PTCD1: variants seen among roughly 807,000 people sequenced by gnomAD.
PTCD1 encodes the protein pentatricopeptide repeat-containing protein 1, mitochondrial.
PTCD1 carries 50 observed loss-of-function variants against 53.4 expected under a neutral mutation model. That is an observed-to-expected ratio of 0.94 (90% confidence interval 0.75 to 1.19). The LOEUF is 1.19. Among genes scored for constraint, PTCD1 ranks in the 50% most tolerant of loss-of-function variants. The pLI, the probability that PTCD1 is intolerant of heterozygous loss-of-function variation, is 0.00. For missense variants in PTCD1, 918 were observed against 904.8 expected (o/e 1.01, Z -0.19); for synonymous variants, 413 against 394.8 (o/e 1.05, Z -0.55).
At chr7:99,428,607 G>T (rs1166303317) in intron 5 of PTCD1, among the ~76,000 whole-genome samples, 1 of 151,938 alleles carries the variant, frequency 6.6e-6, no homozygotes, top group African/African-American at 2.4e-5. Context: ...TGGGCGTGGT[G>T]GCGGGCGCCT....
chr7:99,435,406 A>G (rs1278713522), intron 1 of PTCD1, 138 bp from the exon 2 acceptor site: 2 of 1,120,260 alleles, frequency 1.8e-6, no homozygotes, highest in Non-Finnish European at 2.5e-6. Context: ...TGGGAGGTCG[A>G]GGCTGGCATA....
At chr7:99,435,470 C>T (rs1444890729) in intron 1 of PTCD1, among the ~76,000 whole-genome samples, 1 of 151,206 alleles carries the variant, frequency 6.6e-6, no homozygotes, top group Non-Finnish European at 1.5e-5. Flanking sequence ...GAAACCCCGT[C>T]TCTATGAAAA....
chr7:99,433,943 T>C (rs957587783), intron 2 of PTCD1, among the ~76,000 whole-genome samples: 1 of 150,888 alleles, frequency 6.6e-6, no homozygotes, highest in African/African-American at 2.4e-5. Flanking sequence ...TCCCAGCTAC[T>C]TGGAAGGCTA....
At chr7:99,427,724 G>T (rs1339658230) in intron 5 of PTCD1, among the ~76,000 whole-genome samples, 2 of 151,122 alleles carry the variant, frequency 1.3e-5, no homozygotes, top group Non-Finnish European at 3.0e-5. Context: ...GTAGAAAGAA[G>T]TAGACATGGG....
chr7:99,428,912 C>A (rs1796159247), intron 5 of PTCD1, among the ~76,000 whole-genome samples, 191 bp downstream of exon 5: 1 of 152,300 alleles, frequency 6.6e-6, no homozygotes. Flanking sequence ...GGGCCACCCT[C>A]ATTCCATCTC....
In PTCD1 at chr7:99,426,097, G is replaced by GCCTCTC. The variant is rs780383766; in HGVS notation, c.916-487_916-482dup. 9.7e-3 allele frequency among the ~76,000 whole-genome samples: 1,442 copies of GCCTCTC among 148,910 alleles called. 17 individuals are homozygous for GCCTCTC. Among genetic ancestry groups the GCCTCTC allele is most frequent in the Middle Eastern group, 0.039 (11 of 280 alleles). On this transcript the variant is annotated intron_variant, in intron 5 of 7. Coordinates refer to ENST00000292478, the MANE Select transcript of PTCD1 (RefSeq NM_015545.4). ...GTAAAACATTTAAAAAATTGGCCGGGCCTCTCCCTCTCCCTCTCCCTCTCC... is the reference window on the plus strand; with the variant it reads ...GTAAAACATTTAAAAAATTGGCCGGGCCTCTCCCTCTCCCTCTCCCTCTCCCTCTCC...
Position 99,438,745 on chromosome 7 carries a change from G to A in PTCD1, c.-80C>T. 1 of 1,320,616 alleles carries A rather than the reference G, an allele frequency of 7.6e-7. No homozygotes were observed. Among genetic ancestry groups the A allele is most frequent in the South Asian group, 1.2e-5 (1 of 80,694 alleles). The allele number at this position is 1,320,616 out of a possible 1,614,324, so 81.8% of individuals were successfully genotyped here. On this transcript the variant is annotated 5_prime_UTR_variant, in exon 1 of 8. Coordinates refer to ENST00000292478, the MANE Select transcript of PTCD1 (RefSeq NM_015545.4). ...CGGGGAGCCCTGCCCGGTCCCCGCG[G>A]CGAACCAGTCTCTTCCTCGGGTCCC...
At chr7:99,436,053 C>G (rs1796454716) in intron 1 of PTCD1, among the ~76,000 whole-genome samples, 1 of 152,134 alleles carries the variant, frequency 6.6e-6, no homozygotes, top group Non-Finnish European at 1.5e-5. Flanking sequence ...TCAAGCGATC[C>G]TCCCATTTCA....
At chr7:99,430,817 A>C (rs902954833) in intron 3 of PTCD1, among the ~76,000 whole-genome samples, 1 of 152,214 alleles carries the variant, frequency 6.6e-6, no homozygotes, top group Admixed American at 6.5e-5. Context: ...CACGCCTATA[A>C]TCCCAGCACT....
intron 3 of PTCD1, 105 bp from the exon 4 acceptor site, chr7:99,429,911 T>C: frequency 7.1e-7 from 1 of 1,399,616 alleles, no homozygotes; most frequent in Non-Finnish European, 9.9e-7. Flanking sequence ...CGTCACTGCA[T>C]CCACCAGGCC....
chr7:99,423,687 C>T (rs1419265207), intron 7 of PTCD1, 88 bp downstream of exon 7: 1 of 1,604,204 alleles, frequency 6.2e-7, no homozygotes, highest in Non-Finnish European at 8.5e-7. Flanking sequence ...GCAACACAAT[C>T]CCAAGGGCCA....
At chr7:99,429,232 T>G (rs748875473) in intron 4 of PTCD1, 28 bp from the exon 5 acceptor site, 1 of 1,612,242 alleles carries the variant, frequency 6.2e-7, no homozygotes, top group Non-Finnish European at 8.5e-7. Context: ...GACGTCCCAC[T>G]GAGAACCTGC....
chr7:99,429,231 C>G, intron 4 of PTCD1, 27 bp from the exon 5 acceptor site: 1 of 1,613,082 alleles, frequency 6.2e-7, no homozygotes, highest in South Asian at 1.1e-5. Context: ...AGACGTCCCA[C>G]TGAGAACCTG....
In PTCD1 at chr7:99,418,187, G is replaced by A. The variant is rs1297398985; in HGVS notation, c.*1780C>T. ...TCTCAATGTTGCTCAGGCTGGTCTC[G>A]AACTCCCGACCTCAGGTGATCCACC... On this transcript the variant is annotated 3_prime_UTR_variant, in exon 8 of 8. Coordinates refer to ENST00000292478, the MANE Select transcript of PTCD1 (RefSeq NM_015545.4). The A allele has an allele frequency of 2.6e-5, 5 of 188,702 alleles. No individual in the cohort carries two copies. Among genetic ancestry groups the A allele is most frequent in the Middle Eastern group, 2.7e-3 (1 of 374 alleles). 11.7% of individuals were successfully genotyped at this position (188,702 alleles called of 1,614,324 possible). A position where few individuals can be genotyped will look rare whatever the true frequency, so the allele number is the denominator to read the frequency against.
intron 1 of PTCD1, among the ~76,000 whole-genome samples, chr7:99,436,938 C>A (rs1796489082): frequency 6.6e-6 from 1 of 152,246 alleles, no homozygotes; most frequent in Non-Finnish European, 1.5e-5. Flanking sequence ...AATGCACAAT[C>A]ACTGCAACCT....
At chr7:99,434,704 G>T in intron 2 of PTCD1, 86 bp downstream of exon 2, 1 of 1,565,310 alleles carries the variant, frequency 6.4e-7, no homozygotes. Context: ...AAACTTAGAG[G>T]CTGGGAAAGT....
Position 99,417,522 on chromosome 7 carries a change from G to C in PTCD1, c.*2445C>G, listed in dbSNP as rs144536498. On this transcript the variant is annotated 3_prime_UTR_variant, in exon 8 of 8. Transcript: ENST00000292478. ...GGATATGAGAACTTGTGCTGCCTGCGGTGCATTCAGACACGGGACACCAAC... is the reference window on the plus strand; with the variant it reads ...GGATATGAGAACTTGTGCTGCCTGCCGTGCATTCAGACACGGGACACCAAC... 2.5e-5 allele frequency: 40 copies of C among 1,611,760 alleles called. No homozygotes were observed. The highest frequency in any genetic ancestry group is 3.1e-5 in the Non-Finnish European group (37 of 1,178,330).
Position 99,420,029 on chromosome 7 carries a change from G to A in PTCD1, c.2041C>T (p.Pro681Ser). 3 of 1,614,224 alleles carry A rather than the reference G, an allele frequency of 1.9e-6. 1 individual carries two copies. The South Asian group carries it at 3.3e-5, about 18-fold the overall frequency. The change falls in exon 8 of 8, where the codon CCC (proline) becomes TCC (serine). Residue 681 changes from proline (P) to serine (S), a missense_variant. Physicochemically the swap from Pro to Ser is moderately conservative, Grantham distance 74 (BLOSUM62 -1). Transcript: ENST00000292478. ...TTGCCGGTGTCCTGGTCCCCCTGGG[G>A]CTTGGTCCGGAACTTCTGCCAGGGG... ...PHPWQKFRTK[P>S]QGDQDTGKEA...
chr7:99,424,694 C>T, intron 6 of PTCD1, 101 bp downstream of exon 6: 1 of 1,469,086 alleles, frequency 6.8e-7, no homozygotes, highest in East Asian at 2.4e-5. Flanking sequence ...ACAGTTCATC[C>T]TCTCCAGGTG....
Sources: gnomAD v4.1 joint callset for allele counts (sites outside exome capture counted in the v4.1 genomes callset) on GRCh38, gnomAD v4.1.1 for gene constraint, MANE v1.5 for transcripts, NCBI Gene and HGNC (gene_info 2026-07-23, HGNC 2026-07-21) for gene names.